Variants in SHANK2 observed in about 807,000 individuals in gnomAD.
SHANK2 encodes SH3 and multiple ankyrin repeat domains 2.
SHANK2 carries 43 observed loss-of-function variants against 133.7 expected under a neutral mutation model. The observed-to-expected ratio is 0.32, with a 90% CI of 0.25 to 0.41. The LOEUF is 0.41. Among genes scored for constraint, SHANK2 ranks in the 10% least tolerant of loss-of-function variants. The pLI is 1.00. For missense variants in SHANK2, 1,994 were observed against 2,235.8 expected (o/e 0.89, Z 2.18); for synonymous variants, 1,017 against 952.8 (o/e 1.07, Z -1.24).
At chr11:70,579,970 GCCTCCAGCAGAAACCAGC>G (rs1554985055) in intron 17 of SHANK2, among the ~76,000 whole-genome samples, 11 of 152,224 alleles carry the variant, frequency 7.2e-5, no homozygotes, top group Non-Finnish European at 1.5e-4. Flanking sequence ...CTCTCCTGGA[GCCTCCAGCAGAAACCAGC>G]CCTGACCACA....
intron 11 of SHANK2, among the ~76,000 whole-genome samples, chr11:70,865,800 A>C (rs1555068905): frequency 6.6e-6 from 1 of 152,032 alleles, no homozygotes; most frequent in African/African-American, 2.4e-5. Context: ...TCATTCATTC[A>C]CTCACTCACT....
intron 17 of SHANK2, among the ~76,000 whole-genome samples, chr11:70,606,048 C>T (rs571989754): frequency 3.3e-5 from 5 of 152,268 alleles, no homozygotes; most frequent in African/African-American, 1.2e-4. Context: ...AGACAGACGA[C>T]AGCAGATCGG....
At chr11:71,136,189 C>T (rs1555104757) in intron 3 of SHANK2, among the ~76,000 whole-genome samples, 2 of 152,190 alleles carry the variant, frequency 1.3e-5, no homozygotes, top group Non-Finnish European at 2.9e-5. Context: ...CAAGGCTCAA[C>T]AGGGCTCTGC....
chr11:70,537,841 C>T (rs1019329679), intron 17 of SHANK2, among the ~76,000 whole-genome samples: 2 of 152,260 alleles, frequency 1.3e-5, no homozygotes, highest in South Asian at 2.1e-4. Flanking sequence ...CTGGTGTAGC[C>T]GACGTCAACC....
intron 17 of SHANK2, among the ~76,000 whole-genome samples, chr11:70,599,379 G>A (rs570096179): frequency 1.3e-5 from 2 of 150,906 alleles, no homozygotes; most frequent in Non-Finnish European, 3.0e-5. Flanking sequence ...AGGCCGAGGC[G>A]GGCGGATCAT....
At chr11:70,574,306 T>G (rs1358748069) in intron 17 of SHANK2, among the ~76,000 whole-genome samples, 1 of 152,224 alleles carries the variant, frequency 6.6e-6, no homozygotes, top group Non-Finnish European at 1.5e-5. Context: ...CACAGCCTGC[T>G]GGGAACTCAT....
chr11:70,860,226 G>A (rs1162575743), intron 11 of SHANK2, among the ~76,000 whole-genome samples: 7 of 152,104 alleles, frequency 4.6e-5, no homozygotes, highest in Middle Eastern at 6.8e-3. Context: ...TTCTCTACCC[G>A]CCCCAAAGCC....
intron 10 of SHANK2, among the ~76,000 whole-genome samples, chr11:70,910,442 A>C (rs1950174597): frequency 6.6e-6 from 1 of 152,216 alleles, no homozygotes; most frequent in Non-Finnish European, 1.5e-5. Flanking sequence ...ATGGACACAC[A>C]GGAGCAGAAG....
intron 11 of SHANK2, among the ~76,000 whole-genome samples, chr11:70,854,903 G>A (rs1433869399): frequency 6.6e-6 from 1 of 152,200 alleles, no homozygotes; most frequent in Non-Finnish European, 1.5e-5. Context: ...TGCACGCAGG[G>A]AGTGAACAGC....
chr11:71,093,641 T>C (rs1330464964), intron 7 of SHANK2, among the ~76,000 whole-genome samples: 3 of 152,262 alleles, frequency 2.0e-5, no homozygotes, highest in Non-Finnish European at 2.9e-5. Flanking sequence ...TCCACCATGA[T>C]TGGAAACTTC....
chr11:70,560,926 C>T (rs1284156753), intron 17 of SHANK2, among the ~76,000 whole-genome samples: 1 of 151,954 alleles, frequency 6.6e-6, no homozygotes, highest in East Asian at 1.9e-4. Context: ...GGTGCCCGGC[C>T]CACTTACTAT....
At chr11:70,626,769 A>AGAG (rs1242337648) in intron 17 of SHANK2, among the ~76,000 whole-genome samples, 1 of 149,562 alleles carries the variant, frequency 6.7e-6, no homozygotes. Flanking sequence ...CTTATTCTGC[A>AGAG]GAGGAGGAGT....
intron 17 of SHANK2, among the ~76,000 whole-genome samples, chr11:70,641,640 G>A (rs748712831): frequency 3.9e-5 from 6 of 152,220 alleles, no homozygotes; most frequent in Non-Finnish European, 5.9e-5. Context: ...GGGCATCTGC[G>A]TATTCAGGAT....
intron 15 of SHANK2, 97 bp downstream of exon 15, chr11:70,698,591 G>A: frequency 2.8e-6 from 2 of 711,224 alleles, no homozygotes; most frequent in African/African-American, 3.5e-5. Context: ...CAGACACGAG[G>A]GGCCTGAAAG....
chr11:70,801,365 C>T (rs1948041640), intron 13 of SHANK2, among the ~76,000 whole-genome samples: 3 of 152,210 alleles, frequency 2.0e-5, no homozygotes, highest in Admixed American at 6.5e-5. Context: ...AAGAGCAGGA[C>T]GTGTGCCGAG....
At chr11:70,886,697 T>TCACA (rs10579290) in intron 11 of SHANK2, among the ~76,000 whole-genome samples, 1 of 143,460 alleles carries the variant, frequency 7.0e-6, no homozygotes, top group African/African-American at 2.5e-5. Flanking sequence ...AATCACACAA[T>TCACA]CACACACACA....
At chr11:71,097,422 G>T (rs1298191412) in intron 6 of SHANK2, among the ~76,000 whole-genome samples, 7 of 152,204 alleles carry the variant, frequency 4.6e-5, no homozygotes, top group African/African-American at 1.7e-4. Context: ...CTGGCACCAT[G>T]ATTCTTAAGA....
intron 9 of SHANK2, among the ~76,000 whole-genome samples, chr11:71,069,436 C>T (rs1281835236): frequency 5.3e-5 from 8 of 152,174 alleles, no homozygotes; most frequent in Non-Finnish European, 1.2e-4. Context: ...ATCATCACCA[C>T]CATCATCAGC....
intron 24 of SHANK2, 170 bp downstream of exon 24, chr11:70,489,158 C>T: frequency 1.5e-6 from 1 of 678,198 alleles, no homozygotes; most frequent in East Asian, 2.6e-5. Flanking sequence ...TGTGGGAGGA[C>T]ATTTTGGCAT....
Sources: allele counts gnomAD v4.1 joint callset (sites outside exome capture counted in the v4.1 genomes callset), GRCh38; gene constraint gnomAD v4.1.1; transcripts MANE v1.5; gene names NCBI Gene and HGNC (gene_info 2026-07-23, HGNC 2026-07-21).